The following MBTPS1 variants were observed in gnomAD, a reference collection of about 807,000 sequenced individuals.
MBTPS1 encodes the protein membrane-bound transcription factor site-1 protease.
A neutral mutation model predicts 127.8 loss-of-function variants in MBTPS1; 94 were observed. The observed-to-expected ratio is 0.74, with a 90% confidence interval of 0.62 to 0.87. The LOEUF (loss-of-function observed/expected upper bound fraction) is 0.87. MBTPS1 is among the 40% of genes least tolerant of loss of function. The pLI, the probability that MBTPS1 is intolerant of heterozygous loss-of-function variation, is 0.00. For synonymous variants in MBTPS1, 632 were observed against 509.4 expected (o/e 1.24, Z -3.24); for missense variants, 1,636 against 1,353.2 (o/e 1.21, Z -3.28).
At chr16:84,109,206 G>T (rs1156641378) in intron 1 of MBTPS1, among the ~76,000 whole-genome samples, 1 of 152,206 alleles carries the variant, frequency 6.6e-6, no homozygotes, top group African/African-American at 2.4e-5. Flanking sequence ...CACTCAATGA[G>T]GAAAGGCTCA....
At position 84,114,276 on chromosome 16, in the gene MBTPS1, G is replaced by C. The variant is rs117735872; in HGVS notation, c.-325+2459C>G. ...ACGCCCGGTCGACAAAGGTGTATTC[G>C]GGTGTATTCTTACATCCGATGCAAC... On this transcript the variant is annotated intron_variant, in intron 1 of 22. Coordinates refer to ENST00000343411, the MANE Select transcript of MBTPS1 (RefSeq NM_003791.4). 2.1e-3 allele frequency among the ~76,000 whole-genome samples: 324 copies of C among 152,124 alleles called. 2 individuals are homozygous for C. The highest frequency in any genetic ancestry group is 2.5e-3 in the Non-Finnish European group (169 of 67,994).
chr16:84,066,692 A>C, intron 16 of MBTPS1, 79 bp from the exon 17 acceptor site: 3 of 1,362,402 alleles, frequency 2.2e-6, no homozygotes, highest in Non-Finnish European at 2.0e-6. Flanking sequence ...CTGTGACAAA[A>C]CTCAATTTCT....
intron 1 of MBTPS1, among the ~76,000 whole-genome samples, chr16:84,111,835 G>A (rs569515741): frequency 6.6e-6 from 1 of 151,340 alleles, no homozygotes; most frequent in South Asian, 2.1e-4. Flanking sequence ...GAAATGTTAA[G>A]TAAAACAGTT....
chr16:84,081,927 A>T lies in MBTPS1; in HGVS notation c.1287-19T>A. On this transcript the variant is annotated intron_variant, in intron 10 of 22. Coordinates refer to ENST00000343411, the MANE Select transcript of MBTPS1 (RefSeq NM_003791.4). Reference sequence around the variant, plus strand: ...GACTGTGCTGGAGGAAAAATCAAGAATTGCCTATTTTCTCTCAGTAAAAGA... The same window carrying T: ...GACTGTGCTGGAGGAAAAATCAAGATTTGCCTATTTTCTCTCAGTAAAAGA... 1 of 1,356,376 alleles carries T rather than the reference A, an allele frequency of 7.4e-7. No individual in the cohort carries two copies. The highest frequency in any genetic ancestry group is 9.6e-7 in the Non-Finnish European group (1 of 1,042,840). 84.0% of individuals were successfully genotyped at this position (1,356,376 alleles called of 1,614,324 possible).
chr16:84,057,793 A>C (rs1025782538), intron 21 of MBTPS1: 1 of 152,244 alleles, frequency 6.6e-6, no homozygotes, highest in Admixed American at 6.5e-5. Flanking sequence ...GATTGTGAAA[A>C]TCAAATTCCA....
chr16:84,095,911 CTGTT>C (rs2086173392), intron 3 of MBTPS1, 106 bp from the exon 4 acceptor site: 8 of 836,770 alleles, frequency 9.6e-6, no homozygotes, highest in South Asian at 1.6e-5. Context: ...ATTTGCCACT[CTGTT>C]TGAAGGAAAG....
At chr16:84,084,903 A>C in intron 10 of MBTPS1, 80 bp downstream of exon 10, 1 of 1,478,542 alleles carries the variant, frequency 6.8e-7, no homozygotes, top group Non-Finnish European at 9.2e-7. Context: ...GGCAGAAGCA[A>C]GACACGACTC....
At chr16:84,084,508 T>C (rs1028827655) in intron 10 of MBTPS1, among the ~76,000 whole-genome samples, 1 of 152,252 alleles carries the variant, frequency 6.6e-6, no homozygotes, top group African/African-American at 2.4e-5. Context: ...TTACTATCTA[T>C]ATGTATTCCA....
Position 84,101,730 on chromosome 16 carries a change from C to G in MBTPS1, c.54G>C (p.Lys18Asn). 6.2e-7 allele frequency: 1 copy of G among 1,614,170 alleles called. No individual in the cohort carries two copies. The change falls in exon 2 of 23, where the codon AAG becomes AAC. Residue 18 changes from lysine (K) to asparagine (N), a missense_variant. Transcript: ENST00000343411. ...LLLLVVLLCG[K>N]KHLGDRLEKK... ...TTTCCAGTCTGTCGCCCAGATGTTT[C>G]TTCCCACAGAGCAAAACCACGAGCA...
intron 20 of MBTPS1, chr16:84,059,817 A>C: frequency 1.3e-5 from 2 of 153,832 alleles, no homozygotes; most frequent in East Asian, 2.0e-4. Context: ...CCAAATAAAA[A>C]ACCACTCTGC....
chr16:84,090,662 C>T (rs112848082), intron 8 of MBTPS1, among the ~76,000 whole-genome samples: 2,947 of 152,132 alleles, frequency 0.019, 31 homozygotes, highest in African/African-American at 0.036. Context: ...GAAGGAAGAC[C>T]GGCCTTGAGG....
chr16:84,086,881 T>C (rs993235929), intron 9 of MBTPS1, among the ~76,000 whole-genome samples: 2 of 152,182 alleles, frequency 1.3e-5, no homozygotes, highest in Admixed American at 1.3e-4. Context: ...GTAGCAGTTA[T>C]TTTGAATTTG....
At chr16:84,093,846 C>G in intron 4 of MBTPS1, 25 bp from the exon 5 acceptor site, 1 of 1,450,918 alleles carries the variant, frequency 6.9e-7, no homozygotes, top group Non-Finnish European at 9.7e-7. Flanking sequence ...AAAGCAAACA[C>G]AATTATGTTT....
At chr16:84,106,781 G>A (rs2086329807) in intron 1 of MBTPS1, among the ~76,000 whole-genome samples, 1 of 152,202 alleles carries the variant, frequency 6.6e-6, no homozygotes, top group South Asian at 2.1e-4. Context: ...CCGTACAAGA[G>A]CCAAGGGAGA....
chr16:84,060,590 C>T, intron 20 of MBTPS1, 92 bp downstream of exon 20: 1 of 1,459,766 alleles, frequency 6.9e-7, no homozygotes, highest in East Asian at 2.3e-5. Flanking sequence ...CAAACTGGCC[C>T]CACTTGCTGG....
intron 1 of MBTPS1, among the ~76,000 whole-genome samples, chr16:84,111,578 G>A (rs780287213): frequency 2.6e-5 from 4 of 152,044 alleles, no homozygotes; most frequent in Non-Finnish European, 5.9e-5. Flanking sequence ...TCAAGAGGTT[G>A]AGATAATTTG....
chr16:84,059,481 T>A, intron 20 of MBTPS1, 53 bp from the exon 21 acceptor site: 5 of 1,570,232 alleles, frequency 3.2e-6, no homozygotes, highest in Admixed American at 1.8e-5. Context: ...ATTACTAAAA[T>A]GCAAAGGAAA....
chr16:84,114,253 G>A (rs1490348165), intron 1 of MBTPS1, among the ~76,000 whole-genome samples: 1 of 151,968 alleles, frequency 6.6e-6, no homozygotes, highest in African/African-American at 2.4e-5. Flanking sequence ...GAGCCATCAC[G>A]CCCGGTCGAC....
At chr16:84,080,049 G>A (rs1406031645) in intron 11 of MBTPS1, among the ~76,000 whole-genome samples, 1 of 152,196 alleles carries the variant, frequency 6.6e-6, no homozygotes, top group Non-Finnish European at 1.5e-5. Flanking sequence ...GTGCTGCCAG[G>A]AAGACAGAAA....
Sources: allele counts gnomAD v4.1 joint callset (sites outside exome capture counted in the v4.1 genomes callset), GRCh38; gene constraint gnomAD v4.1.1; transcripts MANE v1.5; gene names NCBI Gene and HGNC (gene_info 2026-07-23, HGNC 2026-07-21).